Variants in VEGFC observed in about 807,000 individuals in gnomAD.
The protein encoded by VEGFC is FLT4 ligand DHM.
Under a neutral mutation model 46.1 loss-of-function variants are expected in VEGFC, and 12 were observed. The ratio of observed to expected loss-of-function variants is 0.26; its 90% CI spans 0.17 to 0.42. VEGFC has a LOEUF of 0.42. VEGFC is among the 10% of genes least tolerant of loss of function. The pLI, the probability that VEGFC is intolerant of heterozygous loss-of-function variation, is 1.00. For missense variants in VEGFC, 488 were observed against 529.4 expected (o/e 0.92, Z 0.77); for synonymous variants, 232 against 195.5 (o/e 1.19, Z -1.56).
chr4:176,759,825 T>C (rs747386995), intron 1 of VEGFC, among the ~76,000 whole-genome samples: 11 of 152,104 alleles, frequency 7.2e-5, no homozygotes, highest in Non-Finnish European at 1.6e-4. Flanking sequence ...GATGCAGCAA[T>C]TGGTTTATAT....
At chr4:176,776,568 A>G (rs1324115459) in intron 1 of VEGFC, among the ~76,000 whole-genome samples, 1 of 152,248 alleles carries the variant, frequency 6.6e-6, no homozygotes. Flanking sequence ...ACTGTGCCCT[A>G]TATTTCACAG....
chr4:176,768,326 G>A (rs1221935983), intron 1 of VEGFC, among the ~76,000 whole-genome samples: 1 of 151,700 alleles, frequency 6.6e-6, no homozygotes, highest in African/African-American at 2.4e-5. Context: ...AGAGGACAGT[G>A]GGCTGAGCCC....
In VEGFC at chr4:176,711,534, G is replaced by A; in HGVS notation, c.669C>T (p.Ser223=). 6.2e-7 allele frequency: 1 copy of A among 1,613,286 alleles called. No individual in the cohort carries two copies. The highest frequency in any genetic ancestry group is 1.1e-5 in the South Asian group (1 of 90,912). Reference sequence around the variant, plus strand: ...TTGCTGGCAGGGAACGTCTAATAATGGAATGAACTTGTCTGTAAACATCCA... The same window carrying A: ...TTGCTGGCAGGGAACGTCTAATAATAGAATGAACTTGTCTGTAAACATCCA... ...SKLDVYRQVH[S]IIRRSLPATL... Residue 223 remains serine, a synonymous_variant, in exon 4 of 7, where the codon TCC becomes TCT. Coordinates refer to ENST00000618562, the MANE Select transcript of VEGFC (RefSeq NM_005429.5).
intron 1 of VEGFC, among the ~76,000 whole-genome samples, chr4:176,769,611 G>T (rs1055949389): frequency 6.6e-6 from 1 of 152,076 alleles, no homozygotes; most frequent in South Asian, 2.1e-4. Flanking sequence ...TGAGAACCAC[G>T]AAAGCATGAA....
chr4:176,716,413 C>T (rs1436891158), intron 3 of VEGFC, among the ~76,000 whole-genome samples: 2 of 151,366 alleles, frequency 1.3e-5, no homozygotes. Flanking sequence ...CCCGTTTCTA[C>T]TAAAAATACT....
chr4:176,750,704 T>C (rs1336957551), intron 1 of VEGFC, among the ~76,000 whole-genome samples: 1 of 151,828 alleles, frequency 6.6e-6, no homozygotes, highest in East Asian at 1.9e-4. Flanking sequence ...TGGATTGACA[T>C]CTTTTTCAGA....
chr4:176,730,433 G>A (rs899307535), intron 1 of VEGFC, among the ~76,000 whole-genome samples: 23 of 152,160 alleles, frequency 1.5e-4, no homozygotes, highest in African/African-American at 5.1e-4. Flanking sequence ...TATTTTAGTA[G>A]TTACCATATC....
intron 1 of VEGFC, among the ~76,000 whole-genome samples, chr4:176,759,795 C>T (rs1735497122): frequency 6.6e-6 from 1 of 151,886 alleles, no homozygotes; most frequent in Non-Finnish European, 1.5e-5. Flanking sequence ...TAGAACAAGA[C>T]ATGCTTTTTG....
chr4:176,767,979 G>C (rs4557213), intron 1 of VEGFC, among the ~76,000 whole-genome samples: 1 of 152,074 alleles, frequency 6.6e-6, no homozygotes, highest in Non-Finnish European at 1.5e-5. Flanking sequence ...TGGATTCCCT[G>C]ATGAGTCTGA....
chr4:176,748,133 T>C (rs566173239), intron 1 of VEGFC, among the ~76,000 whole-genome samples: 2 of 152,198 alleles, frequency 1.3e-5, no homozygotes, highest in South Asian at 2.1e-4. Context: ...GGACCCCACA[T>C]AGGCCCATTA....
At chr4:176,771,795 C>T (rs1028590306) in intron 1 of VEGFC, among the ~76,000 whole-genome samples, 4 of 152,144 alleles carry the variant, frequency 2.6e-5, no homozygotes, top group East Asian at 1.9e-4. Context: ...AATCATTCAT[C>T]GCCCTCTTAT....
intron 1 of VEGFC, among the ~76,000 whole-genome samples, chr4:176,747,004 C>T (rs1466488109): frequency 6.6e-6 from 1 of 152,108 alleles, no homozygotes; most frequent in Non-Finnish European, 1.5e-5. Context: ...AATAGCATCA[C>T]TTGACTGTGC....
intron 4 of VEGFC, among the ~76,000 whole-genome samples, chr4:176,691,889 G>A (rs910513365): frequency 2.0e-5 from 3 of 152,146 alleles, no homozygotes; most frequent in Non-Finnish European, 4.4e-5. Flanking sequence ...CTGAGGTACC[G>A]GGTTCATCTC....
intron 1 of VEGFC, among the ~76,000 whole-genome samples, chr4:176,731,584 AG>A (rs774685235): frequency 3.9e-5 from 6 of 151,904 alleles, no homozygotes; most frequent in Non-Finnish European, 7.4e-5. Flanking sequence ...TAGCCCTAGA[AG>A]AAAAGGAGCA....
chr4:176,688,046 T>C (rs1006963593), intron 4 of VEGFC, 119 bp from the exon 5 acceptor site: 5 of 557,464 alleles, frequency 9.0e-6, no homozygotes, highest in Non-Finnish European at 1.6e-5. Context: ...ATAAGAATTA[T>C]GAGATAAAAT....
intron 1 of VEGFC, among the ~76,000 whole-genome samples, chr4:176,771,195 A>C (rs1251421479): frequency 2.6e-5 from 4 of 152,218 alleles, no homozygotes; most frequent in Admixed American, 1.3e-4. Flanking sequence ...AGTCACATTA[A>C]GAATAATTCA....
chr4:176,683,744 A>G lies in VEGFC; in HGVS notation c.*182T>C. On this transcript the variant is annotated 3_prime_UTR_variant, in exon 7 of 7. Coordinates refer to ENST00000618562, the MANE Select transcript of VEGFC (RefSeq NM_005429.5). ...TCATTGGCAGAAAACCAGTCTTTAC[A>G]AGAGGCCTTTTGCAGATGAGCTCCA... The G allele has an allele frequency of 2.3e-6, 1 of 431,218 alleles. No homozygotes were observed. Among genetic ancestry groups the G allele is most frequent in the Non-Finnish European group, 4.1e-6 (1 of 243,164 alleles). 26.7% of individuals were successfully genotyped at this position (431,218 alleles called of 1,614,324 possible). A position where few individuals can be genotyped will look rare whatever the true frequency, so the allele number is the denominator to read the frequency against.
intron 4 of VEGFC, among the ~76,000 whole-genome samples, chr4:176,695,571 T>C (rs1207907523): frequency 2.0e-5 from 3 of 151,700 alleles, no homozygotes; most frequent in African/African-American, 7.3e-5. Context: ...CTGGTACCAT[T>C]CCTTCTGAAA....
chr4:176,781,610 A>C (rs182740257), intron 1 of VEGFC, among the ~76,000 whole-genome samples: 3,316 of 152,332 alleles, frequency 0.022, 52 homozygotes, highest in Non-Finnish European at 0.036. Context: ...GATTCATGGC[A>C]GCTGTGTGGT....
Sources: allele counts gnomAD v4.1 joint callset (sites outside exome capture counted in the v4.1 genomes callset), GRCh38; gene constraint gnomAD v4.1.1; transcripts MANE v1.5; gene names NCBI Gene and HGNC (gene_info 2026-07-23, HGNC 2026-07-21).